The following SNX4 variants were observed in gnomAD, a reference collection of about 807,000 sequenced individuals.
SNX4 encodes the protein sorting nexin-4.
In SNX4, 49 loss-of-function variants were observed where a neutral mutation model predicts 70.8. The ratio of observed to expected loss-of-function variants is 0.69; its 90% CI spans 0.55 to 0.88. The LOEUF is 0.88. Ranked by LOEUF, SNX4 falls within the 40% of genes least tolerant of loss-of-function variation. SNX4 has a pLI of 0.00. For synonymous variants in SNX4, 206 were observed against 183.8 expected (o/e 1.12, Z -0.98); for missense variants, 528 against 544.8 (o/e 0.97, Z 0.31).
At chr3:125,498,441 TC>T (rs1319841140) in intron 2 of SNX4, among the ~76,000 whole-genome samples, 2 of 152,190 alleles carry the variant, frequency 1.3e-5, no homozygotes, top group Non-Finnish European at 2.9e-5. Flanking sequence ...CACCTCAGCC[TC>T]CTGAGTAGCT....
chr3:125,512,234 T>C (rs1935188168), intron 1 of SNX4, among the ~76,000 whole-genome samples: 1 of 152,332 alleles, frequency 6.6e-6, no homozygotes, highest in South Asian at 2.1e-4. Context: ...TAATACATTC[T>C]GGCCCACAGC....
chr3:125,495,250 T>TATATATATATATATATA (rs1934757995), intron 5 of SNX4, among the ~76,000 whole-genome samples: 1 of 38,166 alleles, frequency 2.6e-5, no homozygotes, highest in Non-Finnish European at 6.2e-5. Flanking sequence ...CATTCTCTCT[T>TATATATATATATATATA]TATATATATA....
chr3:125,505,512 T>C (rs931999156), intron 1 of SNX4, among the ~76,000 whole-genome samples: 1 of 152,194 alleles, frequency 6.6e-6, no homozygotes, highest in Non-Finnish European at 1.5e-5. Flanking sequence ...CAGCTACCTA[T>C]CCCTTAGTGC....
chr3:125,485,851 G>GT (rs946093272), intron 6 of SNX4, among the ~76,000 whole-genome samples: 5 of 151,776 alleles, frequency 3.3e-5, no homozygotes, highest in Non-Finnish European at 5.9e-5. Flanking sequence ...TAAGCATTCT[G>GT]TTTTTTTGAG....
intron 11 of SNX4, among the ~76,000 whole-genome samples, chr3:125,456,806 G>A (rs761284781): frequency 1.1e-3 from 174 of 151,970 alleles, no homozygotes; most frequent in Non-Finnish European, 2.1e-3. Context: ...GACTACAGGC[G>A]TGAGGCACCA....
intron 5 of SNX4, among the ~76,000 whole-genome samples, chr3:125,496,354 A>T (rs1300581228): frequency 6.6e-6 from 1 of 152,178 alleles, no homozygotes; most frequent in Non-Finnish European, 1.5e-5. Flanking sequence ...GAACTGGTTT[A>T]TCATATTTTC....
At chr3:125,454,986 T>C (rs1366087703) in intron 11 of SNX4, among the ~76,000 whole-genome samples, 1 of 152,082 alleles carries the variant, frequency 6.6e-6, no homozygotes, top group Admixed American at 6.6e-5. Flanking sequence ...TAGAATGTAA[T>C]GGCACAATCA....
At chr3:125,487,560 G>A (rs1934559025) in intron 6 of SNX4, among the ~76,000 whole-genome samples, 1 of 152,108 alleles carries the variant, frequency 6.6e-6, no homozygotes, top group South Asian at 2.1e-4. Context: ...AGCCACCAAA[G>A]TCATACACTT....
rs1476539193 is a variant in SNX4 at position 125,446,728 on chromosome 3, A to G, written c.*1051T>C. 2 of 152,676 alleles carry G rather than the reference A, an allele frequency of 1.3e-5. No homozygotes were observed. The highest frequency in any genetic ancestry group is 2.9e-5 in the Non-Finnish European group (2 of 68,048). The allele number at this position is 152,676 out of a possible 1,614,324, so 9.5% of individuals were successfully genotyped here. On this transcript the variant is annotated 3_prime_UTR_variant, in exon 14 of 14. Transcript: ENST00000251775. The stretch of plus-strand genomic sequence containing the variant: ...TCCAGCAACATTTAAAACATATAAA[A>G]AAGTCAAATGCTAAACAGGACTAGG...
chr3:125,515,965 C>T (rs1935270608), intron 1 of SNX4, among the ~76,000 whole-genome samples: 1 of 152,182 alleles, frequency 6.6e-6, no homozygotes, highest in Non-Finnish European at 1.5e-5. Context: ...TCTTTATCTT[C>T]CTTTTTAATG....
rs776784341 is a variant in SNX4 at position 125,520,058 on chromosome 3, C to T, written c.115G>A (p.Gly39Arg). 1.9e-6 allele frequency: 3 copies of T among 1,558,322 alleles called. No individual in the cohort carries two copies. Among genetic ancestry groups the T allele is most frequent in the Non-Finnish European group, 1.7e-6 (2 of 1,155,508 alleles). Residue 39 changes from glycine (G) to arginine (R), a missense_variant, in exon 1 of 14, where the codon GGA becomes AGA. Around this residue, in one of 3 missense-constraint regions of SNX4, gnomAD observed 341 missense variants for 312.2 expected, o/e 1.09. Coordinates refer to ENST00000251775, the MANE Select transcript of SNX4 (RefSeq NM_003794.4). ...GTGTCGACCCCAGAGCTCTCTTCTC[C>T]GGCCCCCTCCGCTTCCTTGCCGACC... ...AAVGKEAEGAGEESSGVDTMT... is the reference protein window; with the variant it reads ...AAVGKEAEGAREESSGVDTMT...
At chr3:125,493,725 C>A (rs1404785670) in intron 5 of SNX4, among the ~76,000 whole-genome samples, 1 of 150,762 alleles carries the variant, frequency 6.6e-6, no homozygotes, top group Non-Finnish European at 1.5e-5. Flanking sequence ...TAATCACTCT[C>A]AAAAATCTTA....
chr3:125,496,011 A>G (rs922784225), intron 5 of SNX4, among the ~76,000 whole-genome samples: 4 of 152,222 alleles, frequency 2.6e-5, no homozygotes, highest in Admixed American at 1.3e-4. Flanking sequence ...ACTGTCAACT[A>G]AATATTTATA....
At chr3:125,452,913 G>C (rs114092270) in intron 12 of SNX4, among the ~76,000 whole-genome samples, 1 of 152,050 alleles carries the variant, frequency 6.6e-6, no homozygotes, top group Non-Finnish European at 1.5e-5. Context: ...TACCGCGCCC[G>C]GCCTGTCTTT....
chr3:125,467,279 C>T (rs776218899), intron 9 of SNX4, among the ~76,000 whole-genome samples: 1 of 150,948 alleles, frequency 6.6e-6, no homozygotes, highest in Non-Finnish European at 1.5e-5. Flanking sequence ...CCCAGCTACT[C>T]GGGAGGCTGA....
chr3:125,469,393 T>A, intron 9 of SNX4, 61 bp downstream of exon 9: 1 of 1,071,590 alleles, frequency 9.3e-7, no homozygotes, highest in East Asian at 2.4e-5. Flanking sequence ...AATAGAAGAG[T>A]CACTAATGCT....
chr3:125,489,288 T>C, intron 6 of SNX4, 120 bp downstream of exon 6: 2 of 745,090 alleles, frequency 2.7e-6, no homozygotes, highest in South Asian at 3.7e-5. Context: ...AGGATTTCAC[T>C]AAATGTGAAT....
intron 5 of SNX4, among the ~76,000 whole-genome samples, chr3:125,491,478 G>T (rs548492187): frequency 6.6e-6 from 1 of 152,084 alleles, no homozygotes; most frequent in Non-Finnish European, 1.5e-5. Flanking sequence ...TTTTTTAAAA[G>T]TCATATAAAT....
chr3:125,487,081 C>G (rs1934548932), intron 6 of SNX4, among the ~76,000 whole-genome samples: 2 of 151,918 alleles, frequency 1.3e-5, no homozygotes. Context: ...CTTTGTAATC[C>G]CTCTAAAACA....
Sources: gnomAD v4.1 joint callset for allele counts (sites outside exome capture counted in the v4.1 genomes callset) on GRCh38, gnomAD v4.1.1 for gene constraint, gnomAD v4.1.1 regional missense constraint, MANE v1.5 for transcripts, NCBI Gene and HGNC (gene_info 2026-07-23, HGNC 2026-07-21) for gene names.